The following MSI2 variants were observed in gnomAD, a reference collection of about 807,000 sequenced individuals.
The protein encoded by MSI2 is RNA-binding protein Musashi homolog 2.
A neutral mutation model predicts 45.6 loss-of-function variants in MSI2; 17 were observed. That is an observed-to-expected ratio of 0.37 (90% confidence interval 0.26 to 0.56). The LOEUF is 0.56. Among genes scored for constraint, MSI2 ranks in the 20% least tolerant of loss-of-function variants. The pLI, the probability that MSI2 is intolerant of heterozygous loss-of-function variation, is 0.77. For synonymous variants in MSI2, 156 were observed against 158.2 expected, an observed-to-expected ratio of 0.99 and a Z score of 0.11; for missense variants, 293 against 444.2, an observed-to-expected ratio of 0.66 and a Z score of 3.06.
rs575230142 is a variant in MSI2 at position 57,645,968 on chromosome 17, T to G, written c.728-6131T>G. On this transcript the variant is annotated intron_variant, in intron 10 of 13. Coordinates refer to ENST00000284073, the MANE Select transcript of MSI2 (RefSeq NM_138962.4). ...CCAGGGACGTTGAATGTGCCCCCAC[T>G]GGGGTGGAGGATCGTGGGACTAGGG... Among the ~76,000 whole-genome samples the G allele has an allele frequency of 8.5e-5, 13 of 152,288 alleles. No homozygotes were observed. The South Asian group carries it at 2.7e-3, about 32-fold the overall frequency.
intron 11 of MSI2, among the ~76,000 whole-genome samples, chr17:57,670,792 C>G (rs1166751781): frequency 6.6e-6 from 1 of 152,150 alleles, no homozygotes; most frequent in African/African-American, 2.4e-5. Context: ...TGGTACCTGC[C>G]TTATTGGCCT....
At position 57,651,444 on chromosome 17, in the gene MSI2, C is replaced by G. The variant is rs565835801; in HGVS notation, c.728-655C>G. The stretch of plus-strand genomic sequence containing the variant: ...CTCACCCCACATAGACCCCTGCAGC[C>G]CCGCACTCCCTTCCCTATCTGGCTC... On this transcript the variant is annotated intron_variant, in intron 10 of 13. Coordinates refer to ENST00000284073, the MANE Select transcript of MSI2 (RefSeq NM_138962.4). Among the ~76,000 whole-genome samples the G allele has an allele frequency of 8.5e-4, 129 of 152,154 alleles. 3 individuals are homozygous for G. Among genetic ancestry groups the G allele is most frequent in the Admixed American group, 8.4e-3 (129 of 15,290 alleles).
intron 7 of MSI2, among the ~76,000 whole-genome samples, chr17:57,534,375 A>G (rs773510885): frequency 6.6e-6 from 1 of 152,256 alleles, no homozygotes; most frequent in Non-Finnish European, 1.5e-5. Context: ...GGAATATTGC[A>G]TAGCAGATTC....
At chr17:57,296,736 T>C (rs1910990667) in intron 5 of MSI2, among the ~76,000 whole-genome samples, 1 of 152,210 alleles carries the variant, frequency 6.6e-6, no homozygotes, top group African/African-American at 2.4e-5. Context: ...GAATATTGAA[T>C]CAGTGTTAAT....
At chr17:57,390,030 G>A (rs969061124) in intron 5 of MSI2, among the ~76,000 whole-genome samples, 1 of 149,252 alleles carries the variant, frequency 6.7e-6, no homozygotes, top group South Asian at 2.1e-4. Flanking sequence ...TTGAAGCCAG[G>A]AGCTTGAGAC....
Position 57,670,906 on chromosome 17 carries a change from T to C in MSI2, c.791-4066T>C, listed in dbSNP as rs114039451. Among the ~76,000 whole-genome samples, 464 of 152,296 alleles carry C rather than the reference T, an allele frequency of 3.0e-3. 2 individuals are homozygous for C. Among genetic ancestry groups the C allele is most frequent in the African/African-American group, 0.01 (417 of 41,568 alleles). ...TCTTGAAGCAGTCCCATGAGTCAGA[T>C]TGAATAAGGAAAGCATCACTCACTT... On this transcript the variant is annotated intron_variant, in intron 11 of 13. Transcript: ENST00000284073.
At chr17:57,348,802 G>A (rs1418238342) in intron 5 of MSI2, among the ~76,000 whole-genome samples, 1 of 152,148 alleles carries the variant, frequency 6.6e-6, no homozygotes, top group African/African-American at 2.4e-5. Context: ...CCTATAGGGA[G>A]AATGGTGACA....
At chr17:57,696,465 C>T in the MSI2 span, among the ~76,000 whole-genome samples, 8 of 152,226 alleles carry the variant, frequency 5.3e-5, no homozygotes, top group African/African-American at 9.6e-5. Context: ...TAGAGCTGGG[C>T]TCAGTGGTTC....
chr17:57,610,345 G>A (rs886258268), intron 8 of MSI2, among the ~76,000 whole-genome samples: 3 of 152,056 alleles, frequency 2.0e-5, no homozygotes, highest in South Asian at 2.1e-4. Context: ...CCAGCTACTC[G>A]GGAGACTGAG....
At chr17:57,648,303 C>T (rs951361738) in intron 10 of MSI2, among the ~76,000 whole-genome samples, 1 of 152,142 alleles carries the variant, frequency 6.6e-6, no homozygotes, top group African/African-American at 2.4e-5. Context: ...CGCGCCTGGC[C>T]TAGCTCTCAC....
At chr17:57,373,275 T>C (rs2083447690) in intron 5 of MSI2, among the ~76,000 whole-genome samples, 1 of 151,016 alleles carries the variant, frequency 6.6e-6, no homozygotes, top group Non-Finnish European at 1.5e-5. Context: ...TCCTGGGAGA[T>C]CAAATTTCAC....
At chr17:57,467,520 G>A (rs915106587) in intron 6 of MSI2, among the ~76,000 whole-genome samples, 3 of 152,132 alleles carry the variant, frequency 2.0e-5, no homozygotes, top group Non-Finnish European at 4.4e-5. Flanking sequence ...CAGATGGATC[G>A]ATGAAAGGAA....
At chr17:57,282,515 G>GGATT (rs1277844846) in intron 5 of MSI2, among the ~76,000 whole-genome samples, 1 of 152,126 alleles carries the variant, frequency 6.6e-6, no homozygotes, top group Non-Finnish European at 1.5e-5. Context: ...TCATCTTTCA[G>GGATT]GATTGGAGGA....
intron 5 of MSI2, among the ~76,000 whole-genome samples, chr17:57,299,714 T>A (rs931042863): frequency 2.0e-5 from 3 of 152,128 alleles, no homozygotes; most frequent in African/African-American, 7.2e-5. Context: ...CAAATATTAT[T>A]ATAATAATAA....
At chr17:57,288,148 C>T (rs1233568956) in intron 5 of MSI2, among the ~76,000 whole-genome samples, 1 of 152,182 alleles carries the variant, frequency 6.6e-6, no homozygotes, top group Non-Finnish European at 1.5e-5. Context: ...CCTCTCTGAG[C>T]CTGATGTGTG....
At chr17:57,413,911 C>T (rs1212746076) in intron 6 of MSI2, among the ~76,000 whole-genome samples, 1 of 151,928 alleles carries the variant, frequency 6.6e-6, no homozygotes, top group Non-Finnish European at 1.5e-5. Flanking sequence ...ACGCATCATT[C>T]ATTTGTTCAT....
Position 57,652,218 on chromosome 17 carries a change from G to A in MSI2, c.790+57G>A. ...GGCATGCCCCCAGTGTGCAGGGGGAGGTCAAGGCCCTGTCGGATCTGTGTG... is the reference window on the plus strand; with the variant it reads ...GGCATGCCCCCAGTGTGCAGGGGGAAGTCAAGGCCCTGTCGGATCTGTGTG... On this transcript the variant is annotated intron_variant, in intron 11 of 13. Coordinates refer to ENST00000284073, the MANE Select transcript of MSI2 (RefSeq NM_138962.4). The surrounding 1 kb of genome is among the most constrained non-coding windows in gnomAD (Gnocchi z 4.1). 1 of 1,503,228 alleles carries A rather than the reference G, an allele frequency of 6.7e-7. No individual in the cohort carries two copies. The highest frequency in any genetic ancestry group is 2.3e-5 in the East Asian group (1 of 44,262). 93.1% of individuals were successfully genotyped at this position (1,503,228 alleles called of 1,614,324 possible). A position where few individuals can be genotyped will look rare whatever the true frequency, so the allele number is the denominator to read the frequency against.
intron 6 of MSI2, among the ~76,000 whole-genome samples, chr17:57,528,841 G>A (rs1451390214): frequency 1.3e-5 from 2 of 152,066 alleles, no homozygotes; most frequent in African/African-American, 4.8e-5. Context: ...AGGTCCTGGG[G>A]GTTAGGACTT....
intron 6 of MSI2, among the ~76,000 whole-genome samples, chr17:57,504,229 A>G (rs2086178656): frequency 6.6e-6 from 1 of 152,082 alleles, no homozygotes; most frequent in African/African-American, 2.4e-5. Flanking sequence ...TCTCCCATCC[A>G]GCCTCCTTGT....
Sources: allele counts gnomAD v4.1 joint callset (sites outside exome capture counted in the v4.1 genomes callset), GRCh38; gene constraint gnomAD v4.1.1; non-coding constraint Gnocchi (gnomAD v3.1); transcripts MANE v1.5; gene names NCBI Gene and HGNC (gene_info 2026-07-23, HGNC 2026-07-21).